The following NSG2 variants were observed in gnomAD, a reference collection of about 807,000 sequenced individuals.
NSG2 encodes neuronal vesicle trafficking-associated protein 2.
NSG2 carries 4 observed loss-of-function variants against 16.9 expected under a neutral mutation model. The ratio of observed to expected loss-of-function variants is 0.24; its 90% CI spans 0.12 to 0.54. The LOEUF is 0.54. NSG2 is among the 20% of genes least tolerant of loss of function. The pLI, the probability that NSG2 is intolerant of heterozygous loss-of-function variation, is 0.95. For missense variants in NSG2, 179 were observed against 221.1 expected (o/e 0.81, Z 1.21); for synonymous variants, 98 against 88.7 (o/e 1.11, Z -0.59).
chr5:174,094,631 C>G (rs1002470082), intron 3 of NSG2, among the ~76,000 whole-genome samples: 1 of 152,192 alleles, frequency 6.6e-6, no homozygotes, highest in Non-Finnish European at 1.5e-5. Flanking sequence ...GAGAGAGAAG[C>G]TTCTCATCTT....
chr5:174,046,820 T>C lies in NSG2; in HGVS notation c.65T>C (p.Phe22Ser). ...AAGCCGCCTTCAGTTGAGGATGGCT[T>C]CCAGACCGTCCCTCTCATCACTCCC... ...GTKPPSVEDG[F>S]QTVPLITPLE... The change falls in exon 2 of 5, where the codon TTC becomes TCC. Residue 22 changes from phenylalanine (F) to serine (S), a missense_variant. Physicochemically the swap from Phe to Ser is radical, Grantham distance 155. Coordinates refer to ENST00000303177, the MANE Select transcript of NSG2 (RefSeq NM_015980.5). The C allele has an allele frequency of 6.2e-7, 1 of 1,614,112 alleles. No homozygotes were observed. Among genetic ancestry groups the C allele is most frequent in the Non-Finnish European group, 8.5e-7 (1 of 1,180,016 alleles).
At chr5:174,049,059 G>T (rs970059223) in intron 2 of NSG2, among the ~76,000 whole-genome samples, 14 of 152,204 alleles carry the variant, frequency 9.2e-5, no homozygotes, top group African/African-American at 3.4e-4. Context: ...ACCGCAAGAG[G>T]CTGGGCATGG....
intron 3 of NSG2, among the ~76,000 whole-genome samples, chr5:174,088,833 C>T (rs886678223): frequency 6.6e-6 from 1 of 152,186 alleles, no homozygotes. Flanking sequence ...GTGGGAATCT[C>T]AGCAAGGGTG....
intron 3 of NSG2, among the ~76,000 whole-genome samples, chr5:174,091,817 A>T (rs542968433): frequency 4.4e-4 from 67 of 152,262 alleles, no homozygotes; most frequent in African/African-American, 1.6e-3. Flanking sequence ...CTTTACTACT[A>T]ATTGGCTGGA....
chr5:174,081,115 CTTA>C lies in NSG2; in HGVS notation c.213+16806_213+16808del, dbSNP rs1475183799. Reference sequence around the variant, plus strand: ...TATTTGCCTCCAGTTACCAACTTCTCTTATTATTTCTAATAATTTCTTTAAAAT... The same window carrying C: ...TATTTGCCTCCAGTTACCAACTTCTCTTATTTCTAATAATTTCTTTAAAAT... On this transcript the variant is annotated intron_variant, in intron 3 of 4. Coordinates refer to ENST00000303177, the MANE Select transcript of NSG2 (RefSeq NM_015980.5). Among the ~76,000 whole-genome samples, 5 of 151,996 alleles carry C rather than the reference CTTA, an allele frequency of 3.3e-5. No individual in the cohort carries two copies. In the South Asian group the frequency reaches 6.2e-4, roughly 19 times the overall value.
chr5:174,088,631 C>G (rs964775999), intron 3 of NSG2, among the ~76,000 whole-genome samples: 2 of 152,162 alleles, frequency 1.3e-5, no homozygotes, highest in Non-Finnish European at 2.9e-5. Context: ...ACTTTAGATC[C>G]TAAGGCATGT....
chr5:174,079,094 A>G (rs1760400298), intron 3 of NSG2, among the ~76,000 whole-genome samples: 1 of 152,032 alleles, frequency 6.6e-6, no homozygotes, highest in Non-Finnish European at 1.5e-5. Context: ...CCTTCCAAAT[A>G]TGTTCCACCA....
At chr5:174,094,210 C>T (rs575408265) in intron 3 of NSG2, among the ~76,000 whole-genome samples, 1 of 152,306 alleles carries the variant, frequency 6.6e-6, no homozygotes, top group Admixed American at 6.5e-5. Context: ...CTCTGTGCTT[C>T]AGTTTCTACA....
intron 1 of NSG2, 111 bp from the exon 2 acceptor site, chr5:174,046,623 A>C: frequency 1.1e-6 from 1 of 881,326 alleles, no homozygotes; most frequent in Non-Finnish European, 1.7e-6. Flanking sequence ...TGATCACTAG[A>C]TTGAAAGCCA....
chr5:174,047,078 A>G (rs1201605942), intron 2 of NSG2, among the ~76,000 whole-genome samples, 194 bp downstream of exon 2: 8 of 152,180 alleles, frequency 5.3e-5, no homozygotes, highest in Non-Finnish European at 1.0e-4. Flanking sequence ...GTAAGTGTTT[A>G]TTCATTTTTT....
At chr5:174,106,847 C>A (rs1760991341) in intron 4 of NSG2, among the ~76,000 whole-genome samples, 1 of 152,008 alleles carries the variant, frequency 6.6e-6, no homozygotes, top group Non-Finnish European at 1.5e-5. Context: ...CCTGCCTCAG[C>A]CTCCCAAAGT....
intron 3 of NSG2, among the ~76,000 whole-genome samples, chr5:174,077,519 C>T (rs4868342): frequency 0.78 from 118,558 of 152,146 alleles, 46,621 homozygotes; most frequent in East Asian, 0.9. Context: ...GATTTCATCT[C>T]TACTCCTCCG....
intron 3 of NSG2, among the ~76,000 whole-genome samples, chr5:174,098,172 G>A (rs1273659711): frequency 2.0e-5 from 3 of 152,182 alleles, no homozygotes; most frequent in African/African-American, 4.8e-5. Flanking sequence ...GCACACAGGG[G>A]CTCCAGGCCT....
At chr5:174,103,309 G>T (rs1760929143) in intron 3 of NSG2, among the ~76,000 whole-genome samples, 1 of 152,146 alleles carries the variant, frequency 6.6e-6, no homozygotes, top group Non-Finnish European at 1.5e-5. Context: ...TAGATTGGAT[G>T]TGGTGTTTGA....
intron 3 of NSG2, among the ~76,000 whole-genome samples, chr5:174,091,854 C>T (rs1760726623): frequency 6.6e-6 from 1 of 152,128 alleles, no homozygotes; most frequent in Non-Finnish European, 1.5e-5. Context: ...CCACAATTTA[C>T]CCAACATCTG....
chr5:174,080,250 C>G (rs1433730394), intron 3 of NSG2, among the ~76,000 whole-genome samples: 1 of 150,822 alleles, frequency 6.6e-6, no homozygotes, highest in Non-Finnish European at 1.5e-5. Context: ...ATTCCTTTCA[C>G]TCCTTACCCA....
At chr5:174,066,629 G>A (rs1028746964) in intron 3 of NSG2, among the ~76,000 whole-genome samples, 4 of 151,798 alleles carry the variant, frequency 2.6e-5, no homozygotes, top group Non-Finnish European at 5.9e-5. Flanking sequence ...CAAATTTTAT[G>A]CAATGTGCAC....
chr5:174,049,239 C>T (rs954048739), intron 2 of NSG2, among the ~76,000 whole-genome samples: 1 of 152,164 alleles, frequency 6.6e-6, no homozygotes, highest in African/African-American at 2.4e-5. Flanking sequence ...ACTTGGGAGG[C>T]TGAGGCAGGA....
chr5:174,055,411 G>C (rs560133897), intron 2 of NSG2, among the ~76,000 whole-genome samples: 187 of 150,610 alleles, frequency 1.2e-3, no homozygotes, highest in African/African-American at 4.6e-3. Flanking sequence ...GGCTAACACG[G>C]TGAAACCCCA....
Sources: allele counts gnomAD v4.1 joint callset (sites outside exome capture counted in the v4.1 genomes callset), GRCh38; gene constraint gnomAD v4.1.1; transcripts MANE v1.5; gene names NCBI Gene and HGNC (gene_info 2026-07-23, HGNC 2026-07-21).